Variants in PCDH15 observed in about 807,000 individuals in gnomAD.
The protein encoded by PCDH15 is protocadherin related 15, also known as protocadherin-15.
A neutral mutation model predicts 178.5 loss-of-function variants in PCDH15; 129 were observed. That is an observed-to-expected ratio of 0.72 (90% CI 0.63 to 0.84). The LOEUF (loss-of-function observed/expected upper bound fraction) is 0.84, where lower values mean the gene tolerates loss of function less well. Among genes scored for constraint, PCDH15 ranks in the 40% least tolerant of loss-of-function variants. PCDH15 has a pLI of 0.00. For synonymous variants in PCDH15, 800 were observed against 732.0 expected, an observed-to-expected ratio of 1.09 and a Z score of -1.50; for missense variants, 2,230 against 2,099.9, an observed-to-expected ratio of 1.06 and a Z score of -1.21.
At chr10:55,164,833 G>C (rs373065500) in intron 2 of PCDH15, among the ~76,000 whole-genome samples, 22 of 152,130 alleles carry the variant, frequency 1.4e-4, no homozygotes, top group African/African-American at 5.1e-4. Flanking sequence ...CTCTTACTAC[G>C]CAAGCGGATT....
At chr10:54,640,960 C>G (rs527728144) in intron 2 of PCDH15, 1 of 160,152 alleles carries the variant, frequency 6.2e-6, no homozygotes. Flanking sequence ...AAAAATTAGC[C>G]GAGCATGGTG....
chr10:54,668,870 G>A (rs1463640027), intron 1 of PCDH15, among the ~76,000 whole-genome samples: 2 of 152,168 alleles, frequency 1.3e-5, no homozygotes, highest in Admixed American at 1.3e-4. Flanking sequence ...AGTGAAGTGA[G>A]CTGTATGTAT....
At chr10:55,344,689 A>G (rs1440788058) in intron 2 of PCDH15, among the ~76,000 whole-genome samples, 1 of 152,046 alleles carries the variant, frequency 6.6e-6, no homozygotes, top group African/African-American at 2.4e-5. Flanking sequence ...TATGTTTGAG[A>G]TATTCAACCA....
At chr10:54,056,117 A>G (rs1001598562) in intron 18 of PCDH15, among the ~76,000 whole-genome samples, 2 of 152,162 alleles carry the variant, frequency 1.3e-5, no homozygotes, top group Non-Finnish European at 1.5e-5. Flanking sequence ...GCCATTTTTA[A>G]TTGATATATA....
chr10:54,810,742 T>C (rs909420722), intron 3 of PCDH15, among the ~76,000 whole-genome samples: 5 of 151,974 alleles, frequency 3.3e-5, no homozygotes, highest in African/African-American at 1.2e-4. Flanking sequence ...TTTCTCCTGA[T>C]AGAAAAAAAA....
At chr10:55,293,050 T>G (rs1343448660) in intron 1 of PCDH15, among the ~76,000 whole-genome samples, 1 of 152,208 alleles carries the variant, frequency 6.6e-6, no homozygotes, top group Non-Finnish European at 1.5e-5. Context: ...AGCAAACTTC[T>G]GCCTGGGCAT....
chr10:54,964,078 G>A (rs979558142), intron 2 of PCDH15, among the ~76,000 whole-genome samples: 3 of 152,184 alleles, frequency 2.0e-5, no homozygotes, highest in African/African-American at 4.8e-5. Context: ...CTAGTGAGGC[G>A]TCTTGTGTCT....
At chr10:53,807,165 C>CAAATAAATTAA in intron 37 of PCDH15, 35 bp from the exon 38 acceptor site, 1 of 1,491,168 alleles carries the variant, frequency 6.7e-7, no homozygotes, top group Non-Finnish European at 9.0e-7. Flanking sequence ...GAGTCACTAT[C>CAAATAAATTAA]AAATAAATTA....
At chr10:55,446,537 A>G (rs1363632155) in intron 2 of PCDH15, among the ~76,000 whole-genome samples, 1 of 152,080 alleles carries the variant, frequency 6.6e-6, no homozygotes, top group African/African-American at 2.4e-5. Flanking sequence ...AGGGAATGTG[A>G]GATCCAATGA....
intron 2 of PCDH15, among the ~76,000 whole-genome samples, chr10:55,005,583 C>T (rs1274708769): frequency 6.6e-6 from 1 of 151,904 alleles, no homozygotes; most frequent in African/African-American, 2.4e-5. Flanking sequence ...TTGTTTTTTC[C>T]CAGTCACCCA....
At chr10:55,324,365 C>T (rs192830448), upstream of PCDH15, among the ~76,000 whole-genome samples, 3 of 152,100 alleles carry the variant, frequency 2.0e-5, no homozygotes, top group East Asian at 3.9e-4. Flanking sequence ...AGCAATGACA[C>T]GCATAGACTC....
chr10:55,020,556 AC>A (rs1840301605), intron 2 of PCDH15, among the ~76,000 whole-genome samples: 2 of 152,060 alleles, frequency 1.3e-5, no homozygotes, highest in South Asian at 4.1e-4. Flanking sequence ...ATCTATTACT[AC>A]ATTTTTTTCA....
chr10:55,149,692 C>A (rs1437252061), intron 2 of PCDH15, among the ~76,000 whole-genome samples: 1 of 104,818 alleles, frequency 9.5e-6, no homozygotes, highest in Non-Finnish European at 2.2e-5. Flanking sequence ...GGAGAGATAT[C>A]TTTTTCTCTT....
chr10:55,210,618 CTTTT>C (rs11412877), intron 1 of PCDH15, among the ~76,000 whole-genome samples: 375 of 40,292 alleles, frequency 9.3e-3, no homozygotes, highest in Non-Finnish European at 0.012. Context: ...TTTTTCTTTT[CTTTT>C]TTTTTTTTTT....
intron 2 of PCDH15, among the ~76,000 whole-genome samples, chr10:54,931,338 C>G (rs1342953604): frequency 6.6e-6 from 1 of 152,160 alleles, no homozygotes. Context: ...TACTAAAACT[C>G]AAATATGAAG....
chr10:55,170,360 T>C (rs1839301041), intron 1 of PCDH15, among the ~76,000 whole-genome samples: 2 of 151,914 alleles, frequency 1.3e-5, no homozygotes, highest in Admixed American at 6.6e-5. Flanking sequence ...TGTTGGCCAG[T>C]TCTGTTTCAA....
intron 2 of PCDH15, among the ~76,000 whole-genome samples, chr10:54,635,691 A>T (rs2093833891): frequency 6.6e-6 from 1 of 151,872 alleles, no homozygotes. Context: ...AAAATTATAT[A>T]TTGTTATTCA....
intron 18 of PCDH15, among the ~76,000 whole-genome samples, chr10:54,027,819 A>G (rs1222587813): frequency 7.2e-6 from 1 of 139,576 alleles, no homozygotes; most frequent in Non-Finnish European, 1.5e-5. Context: ...TAAACGTTAG[A>G]CCTAAAACCA....
At chr10:55,620,548 A>G (rs1843570564) in intron 2 of PCDH15, among the ~76,000 whole-genome samples, 1 of 152,002 alleles carries the variant, frequency 6.6e-6, no homozygotes, top group Non-Finnish European at 1.5e-5. Context: ...TTATTACATT[A>G]TTACATTTAC....
Sources: gnomAD v4.1 joint callset for allele counts (sites outside exome capture counted in the v4.1 genomes callset) on GRCh38, gnomAD v4.1.1 for gene constraint, MANE v1.5 for transcripts, NCBI Gene and HGNC (gene_info 2026-07-23, HGNC 2026-07-21) for gene names.